ABHD2: variants seen among roughly 807,000 people sequenced by gnomAD.
ABHD2 encodes the protein abhydrolase domain containing 2, acylglycerol lipase.
In ABHD2, 20 loss-of-function variants were observed where a neutral mutation model predicts 48.1. The ratio of observed to expected loss-of-function variants is 0.42; its 90% CI spans 0.29 to 0.60. The LOEUF is 0.60. Among genes scored for constraint, ABHD2 ranks in the 20% least tolerant of loss-of-function variants. The pLI is 0.24. For missense variants in ABHD2, 405 were observed against 550.9 expected (o/e 0.74, Z 2.65); for synonymous variants, 209 against 214.2 (o/e 0.98, Z 0.21).
At position 89,188,015 on chromosome 15, in the gene ABHD2, AAGGTTTTGACATTAAC is replaced by A. The variant is rs1461143227; in HGVS notation, c.816-175_816-160del. Among the ~76,000 whole-genome samples the A allele has an allele frequency of 6.6e-6, 1 of 152,220 alleles. No individual in the cohort carries two copies. Among genetic ancestry groups the A allele is most frequent in the African/African-American group, 2.4e-5 (1 of 41,458 alleles). On this transcript the variant is annotated intron_variant, in intron 7 of 10. Coordinates refer to ENST00000352732, the MANE Select transcript of ABHD2 (RefSeq NM_152924.5). This position sits in a 1 kb window ranked among gnomAD's most constrained non-coding sequence, Gnocchi z 4.1. The stretch of plus-strand genomic sequence containing the variant: ...TCTGGGTACCCCTGAAAAGGGAAAT[AAGGTTTTGACATTAAC>A]AGCGCCAGCTCATCCTCTGGGACAT...
At chr15:89,123,920 T>C (rs748580297) in intron 3 of ABHD2, among the ~76,000 whole-genome samples, 1 of 152,212 alleles carries the variant, frequency 6.6e-6, no homozygotes, top group Non-Finnish European at 1.5e-5. Flanking sequence ...TAATTATTTC[T>C]AATAAAGCAG....
intron 1 of ABHD2, among the ~76,000 whole-genome samples, chr15:89,109,653 G>A (rs2049842676): frequency 6.6e-6 from 1 of 152,072 alleles, no homozygotes; most frequent in Admixed American, 6.6e-5. Flanking sequence ...TCTAGAACAA[G>A]TTCAGAATAT....
chr15:89,081,999 A>C, the ABHD2 span, among the ~76,000 whole-genome samples: 2 of 152,120 alleles, frequency 1.3e-5, no homozygotes, highest in African/African-American at 4.8e-5. Context: ...CACTATTGAC[A>C]TTTGGGATAA....
In ABHD2 at chr15:89,175,977, A is replaced by C; in HGVS notation, c.704A>C (p.Gln235Pro). The C allele has an allele frequency of 6.2e-7, 1 of 1,611,514 alleles. No homozygotes were observed. Among genetic ancestry groups the C allele is most frequent in the Non-Finnish European group, 8.5e-7 (1 of 1,178,654 alleles). ...GTCCTGTGCTGCGTCAGCGTGTGCC[A>C]GGGGTACAGTGCACTGAGGTGAGTC... ...EKVLCCVSVCQGYSALRAQET... is the reference protein window; with the variant it reads ...EKVLCCVSVCPGYSALRAQET... The change falls in exon 6 of 11, where the codon CAG (glutamine) becomes CCG (proline). Residue 235 changes from glutamine (Q) to proline (P), a missense_variant. Transcript: ENST00000352732. This position sits in a 1 kb window ranked among gnomAD's most constrained non-coding sequence, Gnocchi z 5.7.
At chr15:89,059,395 A>G in the ABHD2 span, among the ~76,000 whole-genome samples, 3 of 152,160 alleles carry the variant, frequency 2.0e-5, no homozygotes, top group Non-Finnish European at 4.4e-5. Context: ...TGTCCCTGGG[A>G]GACGCCTACA....
chr15:89,070,273 G>A, the ABHD2 span: 1 of 152,214 alleles, frequency 6.6e-6, no homozygotes, highest in Non-Finnish European at 1.5e-5. Flanking sequence ...GCCAAAGCAA[G>A]TCACATGGCT....
intron 3 of ABHD2, among the ~76,000 whole-genome samples, chr15:89,118,735 A>G (rs2050001562): frequency 6.6e-6 from 1 of 152,226 alleles, no homozygotes; most frequent in Non-Finnish European, 1.5e-5. Context: ...CCAGAAAAAC[A>G]TCATGTAAGG....
chr15:89,069,674 CTTTTTTTTT>C, the ABHD2 span, among the ~76,000 whole-genome samples: 3 of 52,898 alleles, frequency 5.7e-5, no homozygotes, highest in African/African-American at 1.5e-4. Context: ...TTCATTTACT[CTTTTTTTTT>C]TTTTTTTTTT....
chr15:89,155,368 T>C lies in ABHD2; in HGVS notation c.372T>C (p.Asp124=), dbSNP rs2050655505. The change falls in exon 5 of 11, where the codon GAT becomes GAC. Residue 124 remains aspartate (D), a splice_region_variant and synonymous_variant. Coordinates refer to ENST00000352732, the MANE Select transcript of ABHD2 (RefSeq NM_152924.5). The surrounding 1 kb of genome is among the most constrained non-coding windows in gnomAD (Gnocchi z 4.9). ...FEPLAEHCVG[D]DITMVICPGI... ...AGGATCTCTTTCTCTACGCTATAGA[T>C]GATATCACCATGGTCATCTGCCCTG... The C allele has an allele frequency of 6.2e-7, 1 of 1,613,838 alleles. No homozygotes were observed. Among genetic ancestry groups the C allele is most frequent in the Non-Finnish European group, 8.5e-7 (1 of 1,179,750 alleles).
chr15:89,183,886 G>A (rs1567109558), intron 6 of ABHD2, among the ~76,000 whole-genome samples: 1 of 152,126 alleles, frequency 6.6e-6, no homozygotes, highest in Non-Finnish European at 1.5e-5. Context: ...TGGGTGGCTT[G>A]GATCCAAAGT....
rs765916075 is a variant in ABHD2 at position 89,155,566 on chromosome 15, T to C, written c.538+32T>C. On this transcript the variant is annotated intron_variant, in intron 5 of 10. Coordinates refer to ENST00000352732, the MANE Select transcript of ABHD2 (RefSeq NM_152924.5). This position sits in a 1 kb window ranked among gnomAD's most constrained non-coding sequence, Gnocchi z 4.9. ...ATGGCTAAGTGGAGTCCTCCCTTTT[T>C]CTGCAAGTGTGCTACTACTTCTGCT... 1.3e-6 allele frequency: 2 copies of C among 1,591,472 alleles called. No individual in the cohort carries two copies. Among genetic ancestry groups the C allele is most frequent in the Admixed American group, 1.7e-5 (1 of 57,826 alleles).
Position 89,168,391 on chromosome 15 carries a change from G to A in ABHD2, c.539-7421G>A, listed in dbSNP as rs1478178299. ...CCTCATTTAAAAACAGATTAATGTA[G>A]CTGTTAGTAATAACAGGCCAGGGAG... On this transcript the variant is annotated intron_variant, in intron 5 of 10. Coordinates refer to ENST00000352732, the MANE Select transcript of ABHD2 (RefSeq NM_152924.5). This position sits in a 1 kb window ranked among gnomAD's most constrained non-coding sequence, Gnocchi z 4.8. 6.6e-6 allele frequency among the ~76,000 whole-genome samples: 1 copy of A among 152,130 alleles called. No homozygotes were observed. The highest frequency in any genetic ancestry group is 1.5e-5 in the Non-Finnish European group (1 of 68,016).
Position 89,116,622 on chromosome 15 carries a change from A to G in ABHD2, c.194+101A>G, listed in dbSNP as rs1253341089. On this transcript the variant is annotated intron_variant, in intron 3 of 10. Coordinates refer to ENST00000352732, the MANE Select transcript of ABHD2 (RefSeq NM_152924.5). The surrounding 1 kb of genome is among the most constrained non-coding windows in gnomAD (Gnocchi z 4.6). The stretch of plus-strand genomic sequence containing the variant: ...TCTCTCATCGTGTCCTTAAGGCATC[A>G]ATGGGATATGACGTCACTGGTGTTA... The G allele has an allele frequency of 7.8e-7, 1 of 1,285,400 alleles. No homozygotes were observed. Among genetic ancestry groups the G allele is most frequent in the African/African-American group, 1.5e-5 (1 of 67,312 alleles). 79.6% of individuals were successfully genotyped at this position (1,285,400 alleles called of 1,614,324 possible). A position where few individuals can be genotyped will look rare whatever the true frequency, so the allele number is the denominator to read the frequency against.
At chr15:89,161,098 A>G (rs1367178174) in intron 5 of ABHD2, among the ~76,000 whole-genome samples, 1 of 152,106 alleles carries the variant, frequency 6.6e-6, no homozygotes, top group African/African-American at 2.4e-5. Flanking sequence ...AGAATTTCCC[A>G]TGGGAGCTTT....
chr15:89,096,326 T>A (rs1337717846), intron 1 of ABHD2, among the ~76,000 whole-genome samples: 2 of 152,270 alleles, frequency 1.3e-5, no homozygotes, highest in Non-Finnish European at 2.9e-5. Context: ...CAAAGGAAGT[T>A]TATGCTCCAT....
At chr15:89,111,504 A>G (rs2049874609) in intron 1 of ABHD2, among the ~76,000 whole-genome samples, 1 of 152,204 alleles carries the variant, frequency 6.6e-6, no homozygotes, top group Non-Finnish European at 1.5e-5. Context: ...CCCTGCTGTC[A>G]TCTTAATGGG....
intron 3 of ABHD2, among the ~76,000 whole-genome samples, chr15:89,149,447 C>T (rs1472094237): frequency 1.3e-5 from 2 of 152,086 alleles, no homozygotes; most frequent in South Asian, 2.1e-4. Flanking sequence ...TTCATTGAAG[C>T]AAATCTCCCC....
rs1360229533 is a variant in ABHD2, at chr15:89,185,310, C to G, written c.723-114C>G. The G allele has an allele frequency of 2.8e-6, 2 of 719,774 alleles. No individual in the cohort carries two copies. The highest frequency in any genetic ancestry group is 3.6e-5 in the African/African-American group (2 of 56,034). 44.6% of individuals were successfully genotyped at this position (719,774 alleles called of 1,614,324 possible). The stretch of plus-strand genomic sequence containing the variant: ...CTCTGTTTTAATGCAGAGGCCACAG[C>G]CTGAGAGCCGGCCCTCTCCACACAA... On this transcript the variant is annotated intron_variant, in intron 6 of 10. Transcript: ENST00000352732. The surrounding 1 kb of genome is among the most constrained non-coding windows in gnomAD (Gnocchi z 5.9).
intron 3 of ABHD2, chr15:89,136,541 A>C (rs1430006601): frequency 3.1e-6 from 1 of 320,920 alleles, no homozygotes; most frequent in Non-Finnish European, 6.2e-6. Flanking sequence ...CCCAGTGCCC[A>C]TCTGGCTCTC....
Sources: allele counts gnomAD v4.1 joint callset (sites outside exome capture counted in the v4.1 genomes callset), GRCh38; gene constraint gnomAD v4.1.1; non-coding constraint Gnocchi (gnomAD v3.1); transcripts MANE v1.5; gene names NCBI Gene and HGNC (gene_info 2026-07-23, HGNC 2026-07-21).